The following ESR2 variants were observed in gnomAD, a reference collection of about 807,000 sequenced individuals.
The protein encoded by ESR2 is estrogen receptor 2.
ESR2 carries 36 observed loss-of-function variants against 49.6 expected under a neutral mutation model. The observed-to-expected ratio is 0.73, with a 90% CI of 0.56 to 0.96. The LOEUF (loss-of-function observed/expected upper bound fraction) is 0.96, where lower values mean the gene tolerates loss of function less well. Among genes scored for constraint, ESR2 ranks in the 40% least tolerant of loss-of-function variants. ESR2 has a pLI of 0.00. For synonymous variants in ESR2, 320 were observed against 266.1 expected (o/e 1.20, Z -1.97); for missense variants, 714 against 693.0 (o/e 1.03, Z -0.34).
intron 7 of ESR2, among the ~76,000 whole-genome samples, chr14:64,238,970 A>G (rs922674434): frequency 9.2e-5 from 14 of 152,214 alleles, no homozygotes; most frequent in African/African-American, 3.4e-4. Context: ...GATTTGTTCA[A>G]AGGATGAAAA....
chr14:64,332,332 C>T (rs1173090786), intron 1 of ESR2: 2 of 151,852 alleles, frequency 1.3e-5, no homozygotes, highest in Non-Finnish European at 2.9e-5. Flanking sequence ...AATGCAAACC[C>T]CAGAGGAAAA....
rs1002408531 is a variant in ESR2 at position 64,230,079 on chromosome 14, T to A, written c.*3058A>T. ...CCCAGCTACTCGGCGAGGGCGGGAA[T>A]GGGGTGGGATGGGGCACTGTGGTGG... On this transcript the variant is annotated 3_prime_UTR_variant, in exon 9 of 9. Coordinates refer to ENST00000341099, the MANE Select transcript of ESR2 (RefSeq NM_001437.3). Among the ~76,000 whole-genome samples, 1 of 145,872 alleles carries A rather than the reference T, an allele frequency of 6.9e-6. No homozygotes were observed. Among genetic ancestry groups the A allele is most frequent in the Non-Finnish European group, 1.5e-5 (1 of 66,716 alleles).
At chr14:64,290,148 T>C (rs1178344630) in intron 1 of ESR2, among the ~76,000 whole-genome samples, 2 of 152,186 alleles carry the variant, frequency 1.3e-5, no homozygotes, top group Non-Finnish European at 2.9e-5. Context: ...CATGGCCTAC[T>C]GCAGCCTTGA....
At chr14:64,287,604 T>C (rs965216076) in intron 1 of ESR2, among the ~76,000 whole-genome samples, 1 of 152,058 alleles carries the variant, frequency 6.6e-6, no homozygotes, top group African/African-American at 2.4e-5. Flanking sequence ...ATGCAAAGAG[T>C]TTTTCTTCCT....
chr14:64,227,857 C>G (rs1391033539), downstream of ESR2: 1 of 1,593,026 alleles, frequency 6.3e-7, no homozygotes, highest in Admixed American at 1.7e-5. Flanking sequence ...TCATTGCCCA[C>G]ATGCAAGGGA....
intron 5 of ESR2, among the ~76,000 whole-genome samples, chr14:64,259,107 G>A (rs2076160504): frequency 6.6e-6 from 1 of 152,182 alleles, no homozygotes; most frequent in Admixed American, 6.5e-5. Context: ...TACATTTAAA[G>A]CAAAAACTAG....
At chr14:64,227,959 A>G (rs1302658107), downstream of ESR2, 1 of 1,586,246 alleles carries the variant, frequency 6.3e-7, no homozygotes, top group South Asian at 1.1e-5. Context: ...AATCAAACTC[A>G]GAATGATTAC....
chr14:64,334,231 T>C (rs1004286490), intron 1 of ESR2, among the ~76,000 whole-genome samples: 3 of 152,184 alleles, frequency 2.0e-5, no homozygotes, highest in Middle Eastern at 3.2e-3. Flanking sequence ...CCAAACCTAG[T>C]AGATTACAAA....
chr14:64,244,540 A>G (rs1256199432), intron 7 of ESR2, among the ~76,000 whole-genome samples: 1 of 152,222 alleles, frequency 6.6e-6, no homozygotes, highest in Non-Finnish European at 1.5e-5. Flanking sequence ...TCGGAGCTGG[A>G]ACACCCATTT....
chr14:64,248,608 C>T (rs2075918908), intron 7 of ESR2, among the ~76,000 whole-genome samples: 1 of 151,308 alleles, frequency 6.6e-6, no homozygotes, highest in Admixed American at 6.6e-5. Context: ...TTATTTTCTT[C>T]CTTGTATGTT....
At chr14:64,271,779 C>T (rs952907826) in intron 3 of ESR2, among the ~76,000 whole-genome samples, 15 of 152,332 alleles carry the variant, frequency 9.8e-5, no homozygotes, top group African/African-American at 3.6e-4. Flanking sequence ...ATATGTTCCA[C>T]ATTTTCTTTA....
At chr14:64,280,204 G>A (rs1161287691) in intron 2 of ESR2, 51 bp from the exon 3 acceptor site, 1 of 1,330,894 alleles carries the variant, frequency 7.5e-7, no homozygotes, top group Admixed American at 2.1e-5. Flanking sequence ...GGGAAAGGAA[G>A]GGCTTTCTAG....
At chr14:64,317,307 C>A (rs1053573170) in intron 1 of ESR2, among the ~76,000 whole-genome samples, 1 of 152,080 alleles carries the variant, frequency 6.6e-6, no homozygotes, top group Non-Finnish European at 1.5e-5. Flanking sequence ...GGATAATTTA[C>A]AAAGAAAATA....
intron 1 of ESR2, among the ~76,000 whole-genome samples, chr14:64,326,058 T>C (rs2140900864): frequency 6.6e-6 from 1 of 152,262 alleles, no homozygotes; most frequent in East Asian, 1.9e-4. Flanking sequence ...CAACTAGTTT[T>C]GACAACTGAA....
intron 1 of ESR2, among the ~76,000 whole-genome samples, chr14:64,305,243 A>G (rs2077075685): frequency 6.7e-6 from 1 of 148,510 alleles, no homozygotes; most frequent in African/African-American, 2.5e-5. Flanking sequence ...CTGAGCCGAG[A>G]TCGTGCCACT....
chr14:64,304,907 AAAGT>A (rs1296131182), intron 1 of ESR2, among the ~76,000 whole-genome samples: 2 of 152,058 alleles, frequency 1.3e-5, no homozygotes, highest in Non-Finnish European at 2.9e-5. Flanking sequence ...ATAAATAAAT[AAAGT>A]ATTAAAATTT....
intron 1 of ESR2, among the ~76,000 whole-genome samples, chr14:64,313,190 C>G (rs1175079046): frequency 6.6e-6 from 1 of 151,916 alleles, no homozygotes; most frequent in African/African-American, 2.4e-5. Flanking sequence ...ATCTTAAATG[C>G]CCCCAAACAA....
chr14:64,254,189 A>G (rs986497014), intron 6 of ESR2, among the ~76,000 whole-genome samples: 1 of 152,206 alleles, frequency 6.6e-6, no homozygotes, highest in Non-Finnish European at 1.5e-5. Context: ...TTATTCAGCC[A>G]TATTACCACT....
chr14:64,253,708 T>G (rs945561696), intron 6 of ESR2, among the ~76,000 whole-genome samples: 23 of 152,176 alleles, frequency 1.5e-4, no homozygotes, highest in African/African-American at 5.3e-4. Context: ...AGGGAGTGTT[T>G]AAGGCTTAGA....
Sources: allele counts gnomAD v4.1 joint callset (sites outside exome capture counted in the v4.1 genomes callset), GRCh38; gene constraint gnomAD v4.1.1; transcripts MANE v1.5; gene names NCBI Gene and HGNC (gene_info 2026-07-23, HGNC 2026-07-21).